The following DLG2 variants were observed in gnomAD, a reference collection of about 807,000 sequenced individuals.
DLG2 encodes the protein disks large homolog 2.
In DLG2, 45 loss-of-function variants were observed where a neutral mutation model predicts 132.5. The ratio of observed to expected loss-of-function variants is 0.34; its 90% CI spans 0.27 to 0.44. The LOEUF (loss-of-function observed/expected upper bound fraction) is 0.44, where lower values mean the gene tolerates loss of function less well. DLG2 is among the 20% of genes least tolerant of loss of function. DLG2 has a pLI of 1.00. For synonymous variants in DLG2, 424 were observed against 419.6 expected (o/e 1.01, Z -0.13); for missense variants, 1,045 against 1,196.9 (o/e 0.87, Z 1.87).
intron 19 of DLG2, among the ~76,000 whole-genome samples, chr11:83,547,359 T>A (rs911614551): frequency 1.3e-5 from 2 of 152,096 alleles, no homozygotes; most frequent in Non-Finnish European, 2.9e-5. Context: ...CTTGGAGATG[T>A]GATTAAGGTT....
rs552998302 is a variant in DLG2, at chr11:84,317,085, C to T, written c.520-65794G>A. Reference sequence around the variant, plus strand: ...CTGATCAGGGTGGGCGCACTCCTGACGGCATCCATCCCATCGGACCCCCGG... The same window carrying T: ...CTGATCAGGGTGGGCGCACTCCTGATGGCATCCATCCCATCGGACCCCCGG... On this transcript the variant is annotated intron_variant, in intron 7 of 27. Transcript: ENST00000376104. 5.0e-5 allele frequency: 80 copies of T among 1,612,848 alleles called. 1 individual carries two copies. In the South Asian group the frequency reaches 6.9e-4, roughly 14 times the overall value.
intron 17 of DLG2, among the ~76,000 whole-genome samples, chr11:83,808,232 C>T (rs2046420061): frequency 6.6e-6 from 1 of 152,158 alleles, no homozygotes; most frequent in African/African-American, 2.4e-5. Context: ...ACAGCTCTGC[C>T]ACTTTGGGTA....
chr11:84,700,766 CT>C (rs1565700574), intron 6 of DLG2, among the ~76,000 whole-genome samples: 1 of 151,514 alleles, frequency 6.6e-6, no homozygotes, highest in Non-Finnish European at 1.5e-5. Context: ...TTTGTTTGCA[CT>C]TTTAATTATT....
intron 6 of DLG2, among the ~76,000 whole-genome samples, chr11:85,090,868 C>G (rs574617026): frequency 2.6e-5 from 4 of 152,288 alleles, no homozygotes; most frequent in African/African-American, 9.6e-5. Flanking sequence ...CACAATTTTG[C>G]TGGTCAGAAA....
At chr11:83,925,646 T>C (rs987735007) in intron 15 of DLG2, among the ~76,000 whole-genome samples, 1 of 152,074 alleles carries the variant, frequency 6.6e-6, no homozygotes, top group Admixed American at 6.6e-5. Context: ...TATGACGATA[T>C]AGTGCTTCAC....
intron 11 of DLG2, among the ~76,000 whole-genome samples, chr11:84,034,889 T>C (rs1250834896): frequency 6.6e-6 from 1 of 152,174 alleles, no homozygotes; most frequent in African/African-American, 2.4e-5. Context: ...CCTTAAATGA[T>C]TATATCTGTG....
chr11:83,806,782 C>T (rs2046016339), intron 17 of DLG2, among the ~76,000 whole-genome samples: 1 of 152,144 alleles, frequency 6.6e-6, no homozygotes, highest in Non-Finnish European at 1.5e-5. Context: ...ACTCCTGTTC[C>T]TCTAAAGAGG....
chr11:84,745,402 A>C (rs961323169), intron 6 of DLG2, among the ~76,000 whole-genome samples: 5 of 152,156 alleles, frequency 3.3e-5, no homozygotes, highest in Admixed American at 6.5e-5. Flanking sequence ...GTCTGGCCAT[A>C]TGACATGTCT....
chr11:84,891,253 TA>T (rs1435986222), intron 6 of DLG2, among the ~76,000 whole-genome samples: 1 of 152,170 alleles, frequency 6.6e-6, no homozygotes, highest in Non-Finnish European at 1.5e-5. Context: ...ACAGCATATG[TA>T]TGTATTAGAA....
intron 10 of DLG2, among the ~76,000 whole-genome samples, chr11:84,072,440 T>C (rs1286684420): frequency 6.6e-6 from 1 of 152,144 alleles, no homozygotes; most frequent in Non-Finnish European, 1.5e-5. Flanking sequence ...TAAAATTCAA[T>C]ATAAGTGCTA....
intron 6 of DLG2, among the ~76,000 whole-genome samples, chr11:84,537,010 C>T (rs1432576765): frequency 6.6e-5 from 10 of 152,118 alleles, no homozygotes; most frequent in African/African-American, 2.4e-4. Flanking sequence ...TCCTTGAAAA[C>T]TTCCAATGGC....
At chr11:83,949,567 T>C (rs2084895766) in intron 14 of DLG2, among the ~76,000 whole-genome samples, 2 of 152,172 alleles carry the variant, frequency 1.3e-5, no homozygotes, top group Non-Finnish European at 2.9e-5. Flanking sequence ...AACCAAGGGA[T>C]AAATAGTGCA....
At chr11:85,217,037 A>G (rs2082660550) in intron 4 of DLG2, among the ~76,000 whole-genome samples, 1 of 152,110 alleles carries the variant, frequency 6.6e-6, no homozygotes, top group South Asian at 2.1e-4. Context: ...AGTACTTCAT[A>G]AGAGTTGAAA....
intron 6 of DLG2, among the ~76,000 whole-genome samples, chr11:84,720,104 T>C (rs573109724): frequency 1.3e-5 from 2 of 152,284 alleles, no homozygotes; most frequent in East Asian, 1.9e-4. Context: ...CATTGAGTTA[T>C]GAGCCCAACA....
At chr11:85,335,352 G>A (rs2082056774) in intron 3 of DLG2, among the ~76,000 whole-genome samples, 1 of 152,044 alleles carries the variant, frequency 6.6e-6, no homozygotes, top group Non-Finnish European at 1.5e-5. Context: ...ATACAGTTGG[G>A]TCTTTCTTCT....
At chr11:84,923,421 T>TAA (rs566663763) in intron 6 of DLG2, 12 of 778,600 alleles carry the variant, frequency 1.5e-5, no homozygotes, top group Admixed American at 9.8e-5. Flanking sequence ...ATCACTGGAT[T>TAA]AAAAAAAAAA....
At chr11:84,087,286 T>C (rs778731431) in intron 10 of DLG2, among the ~76,000 whole-genome samples, 8 of 152,224 alleles carry the variant, frequency 5.3e-5, no homozygotes, top group Non-Finnish European at 1.2e-4. Flanking sequence ...TGCTGAGGGT[T>C]CTGATTCTCT....
chr11:83,953,065 T>C (rs1347567155), intron 14 of DLG2, among the ~76,000 whole-genome samples: 1 of 152,230 alleles, frequency 6.6e-6, no homozygotes, highest in African/African-American at 2.4e-5. Flanking sequence ...CCATTATCTA[T>C]ATTAATACAA....
intron 14 of DLG2, among the ~76,000 whole-genome samples, chr11:83,941,507 C>T (rs2082663470): frequency 6.6e-6 from 1 of 152,010 alleles, no homozygotes; most frequent in South Asian, 2.1e-4. Flanking sequence ...GCCATTCTCC[C>T]ATCTCAGCCT....
Sources: gnomAD v4.1 joint callset for allele counts (sites outside exome capture counted in the v4.1 genomes callset) on GRCh38, gnomAD v4.1.1 for gene constraint, MANE v1.5 for transcripts, NCBI Gene and HGNC (gene_info 2026-07-23, HGNC 2026-07-21) for gene names.